The following KIF26B variants were observed in gnomAD, a reference collection of about 807,000 sequenced individuals.
The protein encoded by KIF26B is kinesin-like protein KIF26B.
A neutral mutation model predicts 151.2 loss-of-function variants in KIF26B; 63 were observed. The observed-to-expected ratio is 0.42, with a 90% CI of 0.34 to 0.51. KIF26B has a LOEUF of 0.51. Among genes scored for constraint, KIF26B ranks in the 20% least tolerant of loss-of-function variants. The probability of loss-of-function intolerance (pLI) is 0.07; values close to 1 mark genes in which losing one functional copy is unlikely to be tolerated. For synonymous variants in KIF26B, 1,357 were observed against 1,262.1 expected, an observed-to-expected ratio of 1.08 and a Z score of -1.59; for missense variants, 2,813 against 2,913.6, an observed-to-expected ratio of 0.97 and a Z score of 0.79.
At position 245,166,315 on chromosome 1, in the gene KIF26B, A is replaced by C. The variant is rs935777081; in HGVS notation, c.465+9632A>C. 3.9e-5 allele frequency among the ~76,000 whole-genome samples: 6 copies of C among 152,156 alleles called. No homozygotes were observed. The highest frequency in any genetic ancestry group is 2.0e-4 in the Admixed American group (3 of 15,270). On this transcript the variant is annotated intron_variant, in intron 2 of 14. Transcript: ENST00000407071. This position sits in a 1 kb window ranked among gnomAD's most constrained non-coding sequence, Gnocchi z 4.5. ...TCCTTCCTTCCTTCCATCTGACACG[A>C]AAATGGAGAAACAGCAGTCAGAGAA...
At position 245,367,195 on chromosome 1, in the gene KIF26B, G is replaced by C. The variant is rs912382648; in HGVS notation, c.827G>C (p.Gly276Ala). ...CCCAGCAGCCTTGGGGTCAGCAATG[G>C]GGCGGAAAAGAAGAGCGGGTCCCCA... ...SKPSSLGVSN[G>A]AEKKSGSPTH... Residue 276 changes from glycine to alanine, a missense_variant, in exon 3 of 15, where the codon GGG (glycine) becomes GCG (alanine). Gly to Ala is a moderately conservative substitution (Grantham distance 60). Coordinates refer to ENST00000407071, the MANE Select transcript of KIF26B (RefSeq NM_018012.4). The surrounding 1 kb of genome is among the most constrained non-coding windows in gnomAD (Gnocchi z 4.2). 6.2e-7 allele frequency: 1 copy of C among 1,608,868 alleles called. No homozygotes were observed. Among genetic ancestry groups the C allele is most frequent in the African/African-American group, 1.3e-5 (1 of 74,862 alleles).
chr1:245,617,250 C>T (rs903270385), intron 9 of KIF26B, among the ~76,000 whole-genome samples: 4 of 152,196 alleles, frequency 2.6e-5, no homozygotes, highest in Non-Finnish European at 5.9e-5. Context: ...GCGTCCACCA[C>T]AACACCTGGC....
intron 2 of KIF26B, among the ~76,000 whole-genome samples, chr1:245,344,427 G>A (rs866857812): frequency 6.7e-5 from 10 of 150,128 alleles, no homozygotes; most frequent in African/African-American, 2.0e-4. Flanking sequence ...CCCGGAGGGC[G>A]GAGCCTGCAG....
Position 245,705,119 on chromosome 1 carries a change from T to A in KIF26B, c.*2513T>A, listed in dbSNP as rs139670257. 100 of 152,286 alleles carry A rather than the reference T, an allele frequency of 6.6e-4. No homozygotes were observed. Among genetic ancestry groups the A allele is most frequent in the African/African-American group, 2.4e-3 (99 of 41,556 alleles). The allele number at this position is 152,286 out of a possible 1,614,324, so 9.4% of individuals were successfully genotyped here. On this transcript the variant is annotated 3_prime_UTR_variant, in exon 15 of 15. Coordinates refer to ENST00000407071, the MANE Select transcript of KIF26B (RefSeq NM_018012.4). ...TCTGCTTTTATCCATTTGTAGCAAC[T>A]TTATGCTGTAACAAAAGGCGGAAGG... is the stretch of plus-strand genomic sequence containing the variant.
intron 6 of KIF26B, among the ~76,000 whole-genome samples, chr1:245,605,018 C>A (rs1337062924): frequency 1.3e-5 from 2 of 152,186 alleles, no homozygotes; most frequent in Non-Finnish European, 2.9e-5. Flanking sequence ...CTCTCTGTAT[C>A]CTGCTCGGTA....
chr1:245,499,500 T>TTATTCCGGGACACGTAAAC, intron 4 of KIF26B, among the ~76,000 whole-genome samples: 1 of 152,340 alleles, frequency 6.6e-6, no homozygotes, highest in African/African-American at 2.4e-5. Flanking sequence ...TCTGATTTTA[T>TTATTCCGGGACACGTAAAC]TATTCCGGGA....
chr1:245,174,783 T>C (rs1668775427), intron 2 of KIF26B, among the ~76,000 whole-genome samples: 1 of 152,218 alleles, frequency 6.6e-6, no homozygotes, highest in African/African-American at 2.4e-5. Context: ...CTTCTGCCTA[T>C]TCTTTGGCTT....
Position 245,685,400 on chromosome 1 carries a change from C to G in KIF26B, c.2422-5C>G. On this transcript the variant is annotated splice_region_variant and splice_polypyrimidine_tract_variant and intron_variant, in intron 11 of 14. Transcript: ENST00000407071. ...CCACCACATTAACTGCCGTCTCACT[C>G]ACAGTACACATCCAGCTCGTCCGGC... 6 of 1,600,136 alleles carry G rather than the reference C, an allele frequency of 3.7e-6. No homozygotes were observed. The highest frequency in any genetic ancestry group is 5.1e-6 in the Non-Finnish European group (6 of 1,170,526).
chr1:245,160,026 A>G (rs1480910195), intron 2 of KIF26B, among the ~76,000 whole-genome samples: 1 of 152,228 alleles, frequency 6.6e-6, no homozygotes, highest in African/African-American at 2.4e-5. Context: ...CTTTCTGGAA[A>G]GAGATGGAGG....
intron 4 of KIF26B, among the ~76,000 whole-genome samples, chr1:245,481,078 G>A (rs1274422931): frequency 1.3e-5 from 2 of 151,972 alleles, no homozygotes; most frequent in Non-Finnish European, 2.9e-5. Context: ...CTGGCCGTGC[G>A]TTGTGCGTGC....
intron 2 of KIF26B, among the ~76,000 whole-genome samples, chr1:245,222,833 C>T (rs771550345): frequency 7.2e-5 from 11 of 152,166 alleles, no homozygotes; most frequent in South Asian, 6.2e-4. Flanking sequence ...GTGCAAAAAA[C>T]GTTACTTAAT....
At chr1:245,181,205 C>G (rs1668900577) in intron 2 of KIF26B, among the ~76,000 whole-genome samples, 1 of 152,138 alleles carries the variant, frequency 6.6e-6, no homozygotes, top group Admixed American at 6.5e-5. Flanking sequence ...GATTTCCCCC[C>G]CTTCTTTCTT....
intron 4 of KIF26B, among the ~76,000 whole-genome samples, chr1:245,494,031 C>T (rs562144394): frequency 1.3e-4 from 19 of 151,782 alleles, no homozygotes; most frequent in South Asian, 4.2e-4. Flanking sequence ...TGGCGGGGTG[C>T]GGTGGCTTAT....
Position 245,439,346 on chromosome 1 carries a change from C to CAAAAA in KIF26B, c.1166+19614_1166+19618dup, listed in dbSNP as rs777808376. On this transcript the variant is annotated intron_variant, in intron 4 of 14. Coordinates refer to ENST00000407071, the MANE Select transcript of KIF26B (RefSeq NM_018012.4). The stretch of plus-strand genomic sequence containing the variant: ...TGGGCAAAGGAACAAGACCCTGTCT[C>CAAAAA]AAAAAAAAAAAAAAAAAGAAAAAAG... 5.7e-4 allele frequency among the ~76,000 whole-genome samples: 75 copies of CAAAAA among 131,732 alleles called. No homozygotes were observed. The South Asian group carries it at 6.1e-3, about 11-fold the overall frequency. The allele number at this position is 131,732 out of a possible 152,430, so 86.4% of individuals were successfully genotyped here. A position where few individuals can be genotyped will look rare whatever the true frequency, so the allele number is the denominator to read the frequency against.
chr1:245,220,600 G>A (rs1669748327), intron 2 of KIF26B, among the ~76,000 whole-genome samples: 1 of 152,300 alleles, frequency 6.6e-6, no homozygotes, highest in African/African-American at 2.4e-5. Flanking sequence ...CCAATAAAGC[G>A]TGTGGGTGGT....
chr1:245,623,493 A>T (rs1199567236), intron 9 of KIF26B, among the ~76,000 whole-genome samples: 1 of 152,184 alleles, frequency 6.6e-6, no homozygotes, highest in Admixed American at 6.5e-5. Context: ...TCATCTCTTG[A>T]TGGACATTTC....
rs1669358227 is a variant in KIF26B, at chr1:245,204,376, CTCTT to C, written c.465+47695_465+47698del. ...ATGCGTCTTCTCTGTTGTAAGATCT[CTCTT>C]TTTTTTTTTTTGAGATGGAGTCTTG... On this transcript the variant is annotated intron_variant, in intron 2 of 14. Transcript: ENST00000407071. 3.7e-5 allele frequency among the ~76,000 whole-genome samples: 4 copies of C among 107,648 alleles called. No homozygotes were observed. In the South Asian group the frequency reaches 1.1e-3, roughly 30 times the overall value. The allele number at this position is 107,648 out of a possible 152,430, so 70.6% of individuals were successfully genotyped here. A position where few individuals can be genotyped will look rare whatever the true frequency, so the allele number is the denominator to read the frequency against.
chr1:245,508,528 T>C (rs1660770194), intron 4 of KIF26B, among the ~76,000 whole-genome samples: 1 of 152,204 alleles, frequency 6.6e-6, no homozygotes. Context: ...TAACTTTTAA[T>C]CTACAGTTCC....
At position 245,607,710 on chromosome 1, in the gene KIF26B, T is replaced by C. The variant is rs2043471738; in HGVS notation, c.1617T>C (p.Asp539=). 2.5e-6 allele frequency: 4 copies of C among 1,613,290 alleles called. No individual in the cohort carries two copies. Among genetic ancestry groups the C allele is most frequent in the Non-Finnish European group, 3.4e-6 (4 of 1,179,648 alleles). The change falls in exon 7 of 15, where the codon GAT becomes GAC. Residue 539 remains aspartate, a synonymous_variant. Coordinates refer to ENST00000407071, the MANE Select transcript of KIF26B (RefSeq NM_018012.4). ...TCCAGTCTGTGGTCAACGGGGCAGA[T>C]GGCTGCGTGTTCTGTTTCGGCCACG... is the stretch of plus-strand genomic sequence containing the variant. ...EVIQSVVNGA[D]GCVFCFGHAK... is the part of the protein sequence containing the mutation.
Sources: allele counts gnomAD v4.1 joint callset (sites outside exome capture counted in the v4.1 genomes callset), GRCh38; gene constraint gnomAD v4.1.1; non-coding constraint Gnocchi (gnomAD v3.1); transcripts MANE v1.5; gene names NCBI Gene and HGNC (gene_info 2026-07-23, HGNC 2026-07-21).